Variants in RBFOX2 observed in about 807,000 individuals in gnomAD.
The protein encoded by RBFOX2 is RNA binding protein fox-1 homolog 2.
In RBFOX2, 10 loss-of-function variants were observed where a neutral mutation model predicts 49.1. The observed-to-expected ratio is 0.20, with a 90% CI of 0.13 to 0.35. RBFOX2 has a LOEUF of 0.35. Ranked by LOEUF, RBFOX2 falls within the 10% of genes least tolerant of loss-of-function variation. The pLI is 1.00. For missense variants in RBFOX2, 323 were observed against 486.9 expected, an observed-to-expected ratio of 0.66 and a Z score of 3.17; for synonymous variants, 183 against 187.4, an observed-to-expected ratio of 0.98 and a Z score of 0.19.
chr22:35,807,992 TAA>T (rs1951087311), intron 2 of RBFOX2, among the ~76,000 whole-genome samples: 1 of 151,570 alleles, frequency 6.6e-6, no homozygotes, highest in Non-Finnish European at 1.5e-5. Context: ...AGCAAATTGC[TAA>T]AAAGACACAA....
rs6000060 is a variant in RBFOX2 at position 36,013,972 on chromosome 22, T to C, written c.186+14268A>G. On this transcript the variant is annotated intron_variant, in intron 1 of 13. Coordinates refer to the RBFOX2 transcript ENST00000438146. ...GCGTAAATCCTGGTTTGGAAAACGC[T>C]ACACAATAGTTCAGCATCACAACGT... Among the ~76,000 whole-genome samples the C allele has an allele frequency of 6.0e-4, 92 of 152,216 alleles. 1 individual carries two copies. Among genetic ancestry groups the C allele is most frequent in the South Asian group, 3.7e-3 (18 of 4,818 alleles).
intron 1 of RBFOX2, among the ~76,000 whole-genome samples, chr22:35,948,721 GT>G (rs2054588424): frequency 6.6e-6 from 1 of 151,950 alleles, no homozygotes; most frequent in African/African-American, 2.4e-5. Context: ...TAAAAATAAA[GT>G]TCCCCGTTAA....
At chr22:35,907,168 T>C (rs914932077) in intron 1 of RBFOX2, among the ~76,000 whole-genome samples, 2 of 152,194 alleles carry the variant, frequency 1.3e-5, no homozygotes, top group African/African-American at 2.4e-5. Context: ...TCTTCTCTTC[T>C]TCCTTAGTAA....
chr22:35,979,120 G>A (rs1040968616), intron 1 of RBFOX2, among the ~76,000 whole-genome samples: 1 of 152,162 alleles, frequency 6.6e-6, no homozygotes, highest in Non-Finnish European at 1.5e-5. Context: ...GAAGAGCATA[G>A]CATCATTGCA....
intron 1 of RBFOX2, among the ~76,000 whole-genome samples, chr22:35,910,218 G>A (rs6000032): frequency 0.082 from 12,523 of 152,094 alleles, 536 homozygotes; most frequent in African/African-American, 0.099. Context: ...CACATTGTAC[G>A]TGAGTCATAC....
intron 1 of RBFOX2, among the ~76,000 whole-genome samples, chr22:35,921,358 TGGACCCCATCCTCA>T (rs1290822584): frequency 1.3e-5 from 2 of 152,228 alleles, no homozygotes; most frequent in African/African-American, 4.8e-5. Flanking sequence ...AACAGATTAC[TGGACCCCATCCTCA>T]GAGTTTCTGA....
chr22:35,966,756 C>T (rs904051909), intron 1 of RBFOX2, among the ~76,000 whole-genome samples: 2 of 152,128 alleles, frequency 1.3e-5, no homozygotes, highest in Non-Finnish European at 2.9e-5. Flanking sequence ...GATCCCTATA[C>T]TACAAATACT....
chr22:35,802,838 T>C (rs748658206), intron 2 of RBFOX2, among the ~76,000 whole-genome samples: 1 of 152,148 alleles, frequency 6.6e-6, no homozygotes, highest in East Asian at 1.9e-4. Flanking sequence ...ACTACATGGA[T>C]GAGGAAGGGA....
chr22:35,768,355 T>A lies in RBFOX2; in HGVS notation c.454-6A>T. The A allele has an allele frequency of 6.2e-7, 1 of 1,612,688 alleles. No homozygotes were observed. Among genetic ancestry groups the A allele is most frequent in the Non-Finnish European group, 8.5e-7 (1 of 1,178,778 alleles). On this transcript the variant is annotated splice_region_variant and splice_polypyrimidine_tract_variant and intron_variant, in intron 4 of 11. Coordinates refer to ENST00000405409, the Ensembl canonical transcript of RBFOX2. ...AAAGTTACGAACCCGAATCCCTGCA[T>A]GCAGCGGGAGAAGGGGGGAAAACAT...
chr22:35,939,244 CCAACTCACA>C, upstream of RBFOX2: 1 of 497,596 alleles, frequency 2.0e-6, no homozygotes, highest in Non-Finnish European at 3.9e-6. Context: ...ATCCCCAGCC[CCAACTCACA>C]CTAAGCCGTT....
chr22:35,772,611 C>T (rs866838188), intron 4 of RBFOX2, among the ~76,000 whole-genome samples: 1 of 152,024 alleles, frequency 6.6e-6, no homozygotes, highest in Non-Finnish European at 1.5e-5. Context: ...GTCCTCAGAG[C>T]CCTTCTATAT....
At chr22:35,772,561 C>A in intron 4 of RBFOX2, among the ~76,000 whole-genome samples, 1 of 152,134 alleles carries the variant, frequency 6.6e-6, no homozygotes, top group South Asian at 2.1e-4. Flanking sequence ...CTGTGCTGGG[C>A]AATGCAGGTC....
rs1458680247 is a variant in RBFOX2 at position 35,781,580 on chromosome 22, A to G, written c.399+20T>C. ...ATCTACTTTAATTGTAAAATCCATA[A>G]AAAGACTTCAGAGACTTACCCCAAA... On this transcript the variant is annotated intron_variant, in intron 3 of 11. Transcript: ENST00000405409. The G allele has an allele frequency of 1.2e-6, 2 of 1,606,350 alleles. No homozygotes were observed. Among genetic ancestry groups the G allele is most frequent in the African/African-American group, 1.3e-5 (1 of 74,312 alleles).
At chr22:35,853,243 G>A (rs532678318) in intron 1 of RBFOX2, among the ~76,000 whole-genome samples, 1 of 149,620 alleles carries the variant, frequency 6.7e-6, no homozygotes, top group Non-Finnish European at 1.5e-5. Context: ...GCAGTGACCC[G>A]AGATCGTACC....
chr22:35,771,306 G>A (rs985112985), intron 4 of RBFOX2, among the ~76,000 whole-genome samples: 5 of 152,194 alleles, frequency 3.3e-5, no homozygotes, highest in African/African-American at 9.7e-5. Context: ...CCGAATCAGA[G>A]TAAAGCAGCC....
At chr22:35,883,780 T>A (rs2046229257) in intron 1 of RBFOX2, among the ~76,000 whole-genome samples, 2 of 152,184 alleles carry the variant, frequency 1.3e-5, no homozygotes, top group Non-Finnish European at 2.9e-5. Flanking sequence ...GTTGCTAAAC[T>A]TTCTACCACT....
At chr22:35,836,345 A>C (rs1170926358) in intron 1 of RBFOX2, 1 of 152,246 alleles carries the variant, frequency 6.6e-6, no homozygotes, top group Non-Finnish European at 1.5e-5. Flanking sequence ...TCTTTAATTA[A>C]AGCATAAAAT....
intron 1 of RBFOX2, among the ~76,000 whole-genome samples, chr22:35,909,512 T>A (rs560670013): frequency 6.6e-6 from 1 of 152,286 alleles, no homozygotes; most frequent in South Asian, 2.1e-4. Flanking sequence ...ATTTTAAAAG[T>A]AACGCTAGCA....
chr22:35,971,912 T>TAAAAAAAAA (rs527896726), intron 1 of RBFOX2, among the ~76,000 whole-genome samples: 1 of 56,618 alleles, frequency 1.8e-5, no homozygotes. Flanking sequence ...TTTTTCTCCC[T>TAAAAAAAAA]AAAAAAAAAA....
Sources: gnomAD v4.1 joint callset for allele counts (sites outside exome capture counted in the v4.1 genomes callset) on GRCh38, gnomAD v4.1.1 for gene constraint, MANE v1.5 for transcripts, NCBI Gene and HGNC (gene_info 2026-07-23, HGNC 2026-07-21) for gene names.